HIBCH: variants seen among roughly 807,000 people sequenced by gnomAD.
HIBCH encodes 3-hydroxyisobutyryl-CoA hydrolase, mitochondrial.
A neutral mutation model predicts 58.2 loss-of-function variants in HIBCH; 50 were observed. The ratio of observed to expected loss-of-function variants is 0.86; its 90% CI spans 0.68 to 1.09. The LOEUF is 1.09. HIBCH is among the 50% of genes least tolerant of loss of function. HIBCH has a pLI of 0.00. For synonymous variants in HIBCH, 151 were observed against 146.9 expected (o/e 1.03, Z -0.20); for missense variants, 450 against 449.7 (o/e 1.00, Z -0.01).
intron 1 of HIBCH, 184 bp from the exon 2 acceptor site, chr2:190,310,980 G>T (rs757487663): frequency 1.4e-5 from 10 of 699,076 alleles, no homozygotes; most frequent in Admixed American, 4.0e-5. Context: ...CTTTGCACAT[G>T]AATTTTATGG....
chr2:190,242,051 A>T (rs552031610), intron 11 of HIBCH, among the ~76,000 whole-genome samples: 31 of 152,120 alleles, frequency 2.0e-4, no homozygotes, highest in Non-Finnish European at 2.6e-4. Flanking sequence ...AATATCCTGA[A>T]GTGTGTTTTA....
intron 9 of HIBCH, among the ~76,000 whole-genome samples, chr2:190,247,009 T>C (rs957237070): frequency 1.3e-5 from 2 of 152,244 alleles, no homozygotes; most frequent in Non-Finnish European, 2.9e-5. Context: ...AGACTTTTTT[T>C]TTTTTTTAAA....
At chr2:190,295,066 G>A (rs1330022134) in intron 3 of HIBCH, among the ~76,000 whole-genome samples, 12 of 152,120 alleles carry the variant, frequency 7.9e-5, no homozygotes, top group Admixed American at 7.2e-4. Flanking sequence ...CTCTTAATAC[G>A]TAAGTAACAT....
chr2:190,258,212 C>T (rs1686983586), intron 7 of HIBCH, among the ~76,000 whole-genome samples: 2 of 152,170 alleles, frequency 1.3e-5, no homozygotes, highest in African/African-American at 4.8e-5. Flanking sequence ...CGTGAAGATG[C>T]ACTTGCTTCC....
intron 11 of HIBCH, among the ~76,000 whole-genome samples, chr2:190,226,595 CAAAAAAAAAAAAAAAA>C (rs752856547): frequency 1.7e-4 from 5 of 29,392 alleles, no homozygotes; most frequent in Non-Finnish European, 3.1e-4. Flanking sequence ...AACTCCGTCT[CAAAAAAAAAAAAAAAA>C]AAAAAAAAAA....
rs754549917 is a variant in HIBCH at position 190,236,899 on chromosome 2, T to C, written c.891+7988A>G. 6.6e-5 allele frequency among the ~76,000 whole-genome samples: 10 copies of C among 152,140 alleles called. No individual in the cohort carries two copies. Among genetic ancestry groups the C allele is most frequent in the Non-Finnish European group, 1.3e-4 (9 of 67,992 alleles). ...GCCCATCAGTGAACTAGAAAACTGTTTTCTCTTCTGTCTACATAAACTGAT... is the reference window on the plus strand; with the variant it reads ...GCCCATCAGTGAACTAGAAAACTGTCTTCTCTTCTGTCTACATAAACTGAT... On this transcript the variant is annotated intron_variant, in intron 11 of 13. Transcript: ENST00000359678. The surrounding 1 kb of genome is among the most constrained non-coding windows in gnomAD (Gnocchi z 4.1).
In HIBCH at chr2:190,294,557, C is replaced by A. The variant is rs528343104; in HGVS notation, c.293G>T (p.Gly98Val). Reference sequence around the variant, plus strand: ...GGAAAAGTCTTTACCTCTGATATCACCCCCGGCACAGAAAGCCTTTCCTCC... The same window carrying A: ...GGAAAAGTCTTTACCTCTGATATCAACCCCGGCACAGAAAGCCTTTCCTCC... ...GAGGKAFCAG[G>V]DIRVISEAEK... Residue 98 changes from glycine (G) to valine (V), a missense_variant, in exon 4 of 14, where the codon GGT becomes GTT. Coordinates refer to ENST00000359678, the MANE Select transcript of HIBCH (RefSeq NM_014362.4). 3 of 1,610,542 alleles carry A rather than the reference C, an allele frequency of 1.9e-6. No individual in the cohort carries two copies. The highest frequency in any genetic ancestry group is 2.7e-5 in the African/African-American group (2 of 74,898).
At chr2:190,201,565 G>GA (rs1690244220), downstream of HIBCH, 1 of 167,008 alleles carries the variant, frequency 6.0e-6, no homozygotes, top group African/African-American at 2.4e-5. Flanking sequence ...TAAGCAGGCA[G>GA]AAAATCTACC....
At chr2:190,287,682 A>G (rs1687865466) in intron 5 of HIBCH, 44 bp from the exon 6 acceptor site, 2 of 1,414,162 alleles carry the variant, frequency 1.4e-6, no homozygotes, top group Non-Finnish European at 2.0e-6. Context: ...TGTTTAAAAT[A>G]CATTCCCTTT....
chr2:190,259,973 G>A (rs1195913183), intron 7 of HIBCH, among the ~76,000 whole-genome samples: 1 of 152,066 alleles, frequency 6.6e-6, no homozygotes, highest in African/African-American at 2.4e-5. Context: ...ATTGGTAGAA[G>A]ACTAAATGCT....
Position 190,213,048 on chromosome 2 carries a change from G to C in HIBCH, c.919C>G (p.Leu307Val). 1.2e-6 allele frequency: 2 copies of C among 1,608,504 alleles called. No homozygotes were observed. Among genetic ancestry groups the C allele is most frequent in the Non-Finnish European group, 1.7e-6 (2 of 1,175,150 alleles). Residue 307 changes from leucine to valine, a missense_variant, in exon 12 of 14, where the codon CTA becomes GTA. Leu to Val is a conservative substitution (Grantham distance 32, BLOSUM62 1). Transcript: ENST00000359678. ...ATGAGTTGCCTTAGTGTGATCTTTA[G>C]AGATGTTGGAGACATTTTATTAATT... Reference protein sequence around the residue: ...KVINKMSPTSLKITLRQLMEG... With the variant: ...KVINKMSPTSVKITLRQLMEG...
At chr2:190,191,379 A>C (rs1196171036) in intron 1 of HIBCH, among the ~76,000 whole-genome samples, 1 of 152,184 alleles carries the variant, frequency 6.6e-6, no homozygotes, top group African/African-American at 2.4e-5. Context: ...TCCTGACCTC[A>C]GGTGATCTAC....
intron 7 of HIBCH, among the ~76,000 whole-genome samples, chr2:190,258,640 T>A (rs1470355086): frequency 6.6e-6 from 1 of 152,260 alleles, no homozygotes; most frequent in African/African-American, 2.4e-5. Flanking sequence ...AACAATCGTA[T>A]ATTTTTGTTT....
At chr2:190,219,737 C>T (rs958158761) in intron 11 of HIBCH, among the ~76,000 whole-genome samples, 3 of 152,152 alleles carry the variant, frequency 2.0e-5, no homozygotes, top group Non-Finnish European at 4.4e-5. Context: ...GTCCTGCACA[C>T]TAAGGGATAA....
chr2:190,217,470 G>A lies in HIBCH; in HGVS notation c.892-4395C>T, dbSNP rs533586852. Among the ~76,000 whole-genome samples, 5 of 152,134 alleles carry A rather than the reference G, an allele frequency of 3.3e-5. No individual in the cohort carries two copies. Among genetic ancestry groups the A allele is most frequent in the Non-Finnish European group, 7.3e-5 (5 of 68,032 alleles). ...TGCACTCCAGCCTGGGCGACAGAACGAGATTCTGTCTTAAAACAAAAAAAC... is the reference window on the plus strand; with the variant it reads ...TGCACTCCAGCCTGGGCGACAGAACAAGATTCTGTCTTAAAACAAAAAAAC... On this transcript the variant is annotated intron_variant, in intron 11 of 13. Transcript: ENST00000359678. This position sits in a 1 kb window ranked among gnomAD's most constrained non-coding sequence, Gnocchi z 4.6.
At position 190,211,224 on chromosome 2, in the gene HIBCH, G is replaced by A. The variant is rs905419352; in HGVS notation, c.1011+1732C>T. ...AATCCCCAAGGTTTTCTTAATTGCT[G>A]TTGGTGTCTTTCAGATTTAAATCTC... On this transcript the variant is annotated intron_variant, in intron 12 of 13. Transcript: ENST00000359678. The surrounding 1 kb of genome is among the most constrained non-coding windows in gnomAD (Gnocchi z 5.0). Among the ~76,000 whole-genome samples, 2 of 152,134 alleles carry A rather than the reference G, an allele frequency of 1.3e-5. No individual in the cohort carries two copies. The highest frequency in any genetic ancestry group is 2.4e-5 in the African/African-American group (1 of 41,420).
intron 2 of HIBCH, among the ~76,000 whole-genome samples, chr2:190,308,307 T>C (rs1425568359): frequency 1.3e-5 from 2 of 152,160 alleles, no homozygotes; most frequent in Non-Finnish European, 2.9e-5. Flanking sequence ...TCAACCTCCA[T>C]GTATAACAGC....
intron 4 of HIBCH, among the ~76,000 whole-genome samples, chr2:190,292,979 T>C (rs555292049): frequency 1.3e-5 from 2 of 152,366 alleles, no homozygotes; most frequent in East Asian, 3.9e-4. Flanking sequence ...TTACATTTCC[T>C]GGACTTGAAT....
intron 6 of HIBCH, among the ~76,000 whole-genome samples, chr2:190,270,430 T>C (rs1054099279): frequency 2.0e-5 from 3 of 152,112 alleles, no homozygotes; most frequent in Non-Finnish European, 4.4e-5. Flanking sequence ...AAGTAAACAG[T>C]TGATAACCAC....
Sources: gnomAD v4.1 joint callset for allele counts (sites outside exome capture counted in the v4.1 genomes callset) on GRCh38, gnomAD v4.1.1 for gene constraint, Gnocchi (gnomAD v3.1) non-coding constraint, MANE v1.5 for transcripts, NCBI Gene and HGNC (gene_info 2026-07-23, HGNC 2026-07-21) for gene names.